The following IPO11 variants were observed in gnomAD, a reference collection of about 807,000 sequenced individuals.
The protein encoded by IPO11 is importin 11.
In IPO11, 66 loss-of-function variants were observed where a neutral mutation model predicts 143.2. The ratio of observed to expected loss-of-function variants is 0.46; its 90% CI spans 0.38 to 0.57. The LOEUF (loss-of-function observed/expected upper bound fraction) is 0.57. Ranked by LOEUF, IPO11 falls within the 20% of genes least tolerant of loss-of-function variation. The pLI, the probability that IPO11 is intolerant of heterozygous loss-of-function variation, is 0.00. For missense variants in IPO11, 1,026 were observed against 1,141.0 expected (o/e 0.90, Z 1.45); for synonymous variants, 385 against 377.8 (o/e 1.02, Z -0.22).
intron 29 of IPO11, among the ~76,000 whole-genome samples, chr5:62,615,539 T>A (rs1376201927): frequency 6.6e-6 from 1 of 152,200 alleles, no homozygotes; most frequent in Non-Finnish European, 1.5e-5. Context: ...CCCAGGGATG[T>A]GCATGTCCTA....
At chr5:62,475,229 T>C (rs1431521611) in intron 8 of IPO11, among the ~76,000 whole-genome samples, 1 of 151,996 alleles carries the variant, frequency 6.6e-6, no homozygotes, top group Admixed American at 6.6e-5. Flanking sequence ...AAAAAAAAGA[T>C]TTCCCTGAGG....
chr5:62,597,375 G>T (rs1042090497), intron 28 of IPO11, among the ~76,000 whole-genome samples: 4 of 152,184 alleles, frequency 2.6e-5, no homozygotes, highest in African/African-American at 9.7e-5. Flanking sequence ...GCAAAGAATT[G>T]TTCACAAATT....
intron 1 of IPO11, among the ~76,000 whole-genome samples, chr5:62,426,603 C>T (rs574531487): frequency 1.3e-5 from 2 of 152,038 alleles, no homozygotes; most frequent in South Asian, 4.1e-4. Context: ...ATATCTAATT[C>T]CTATGGAAAT....
chr5:62,599,254 A>T lies in IPO11; in HGVS notation c.2679-2510A>T, dbSNP rs891201107. Among the ~76,000 whole-genome samples, 4 of 152,350 alleles carry T rather than the reference A, an allele frequency of 2.6e-5. No individual in the cohort carries two copies. In the East Asian group the frequency reaches 7.7e-4, roughly 29 times the overall value. ...ACTGGAATACTTGGCCTTTGCCCCA[A>T]CTATCCCTCCTGTGCACACAGATGG... On this transcript the variant is annotated intron_variant, in intron 28 of 29. Coordinates refer to ENST00000325324, the MANE Select transcript of IPO11 (RefSeq NM_016338.5).
At chr5:62,523,374 A>AG (rs1742263881) in intron 20 of IPO11, among the ~76,000 whole-genome samples, 1 of 152,190 alleles carries the variant, frequency 6.6e-6, no homozygotes, top group African/African-American at 2.4e-5. Context: ...GAGCTTGTAT[A>AG]GGGGGAACTG....
At chr5:62,489,541 G>A (rs1746531125) in intron 14 of IPO11, among the ~76,000 whole-genome samples, 192 bp downstream of exon 14, 1 of 152,214 alleles carries the variant, frequency 6.6e-6, no homozygotes, top group African/African-American at 2.4e-5. Flanking sequence ...TAATGCTAAA[G>A]TAGGTGATGA....
chr5:62,439,738 T>C (rs1744393609), intron 2 of IPO11, among the ~76,000 whole-genome samples: 1 of 152,160 alleles, frequency 6.6e-6, no homozygotes, highest in African/African-American at 2.4e-5. Context: ...AACATTTCTT[T>C]TAGATGGAAC....
chr5:62,523,915 ACTTTT>A (rs144871416), intron 20 of IPO11, among the ~76,000 whole-genome samples: 13,963 of 152,020 alleles, frequency 0.092, 644 homozygotes, highest in South Asian at 0.15. Flanking sequence ...TTTTTTTTAA[ACTTTT>A]CTTCTGTGGA....
chr5:62,450,663 TAA>T (rs34266204), intron 4 of IPO11, among the ~76,000 whole-genome samples: 1 of 144,504 alleles, frequency 6.9e-6, no homozygotes, highest in African/African-American at 2.5e-5. Context: ...CCCCACCATT[TAA>T]AAAAAAAAAA....
At chr5:62,624,693 T>C (rs145938166) in intron 29 of IPO11, among the ~76,000 whole-genome samples, 137 of 152,124 alleles carry the variant, frequency 9.0e-4, no homozygotes, top group African/African-American at 3.1e-3. Flanking sequence ...CTATTCAAGA[T>C]GGAGTTGCAG....
intron 9 of IPO11, among the ~76,000 whole-genome samples, chr5:62,478,276 C>T (rs1746039621): frequency 1.3e-5 from 2 of 152,106 alleles, no homozygotes; most frequent in Admixed American, 1.3e-4. Context: ...AGTGATCCTT[C>T]CACCTCAGCC....
chr5:62,497,759 G>A (rs10070569), intron 16 of IPO11, among the ~76,000 whole-genome samples: 6 of 152,086 alleles, frequency 3.9e-5, no homozygotes, highest in Non-Finnish European at 7.4e-5. Flanking sequence ...TTGGCCCCTC[G>A]GCCTGGAAAG....
In IPO11 at chr5:62,550,465, A is replaced by G; in HGVS notation, c.2346+3A>G. 1.3e-6 allele frequency: 2 copies of G among 1,596,412 alleles called. No individual in the cohort carries two copies. The highest frequency in any genetic ancestry group is 1.7e-6 in the Non-Finnish European group (2 of 1,165,726). ...TCAAGGGTATTATAGAAGGGGAGGT[A>G]AGATTTTTCTTTAAGTTCCAAAGGT... On this transcript the variant is annotated splice_donor_region_variant and intron_variant, in intron 25 of 29. Coordinates refer to ENST00000325324, the MANE Select transcript of IPO11 (RefSeq NM_016338.5).
rs554435369 is a variant in IPO11 at position 62,607,557 on chromosome 5, A to C, written c.2763+5709A>C. ...TCAGTAATTTTTAATGTATGCATAA[A>C]ATACATTTTCCTTTTGCAAATAATA... On this transcript the variant is annotated intron_variant, in intron 29 of 29. Coordinates refer to ENST00000325324, the MANE Select transcript of IPO11 (RefSeq NM_016338.5). 1.8e-4 allele frequency among the ~76,000 whole-genome samples: 28 copies of C among 152,212 alleles called. No individual in the cohort carries two copies. In the South Asian group the frequency reaches 5.0e-3, roughly 27 times the overall value.
intron 20 of IPO11, among the ~76,000 whole-genome samples, chr5:62,521,050 C>G (rs1580278719): frequency 6.6e-6 from 1 of 152,204 alleles, no homozygotes; most frequent in South Asian, 2.1e-4. Context: ...TCCATTCTAA[C>G]TGGTGTGAGA....
chr5:62,436,160 A>G (rs758810193), intron 1 of IPO11, among the ~76,000 whole-genome samples: 4 of 152,152 alleles, frequency 2.6e-5, no homozygotes, highest in Non-Finnish European at 5.9e-5. Flanking sequence ...CTTTACTTAC[A>G]TAGGTTTTGA....
chr5:62,604,303 G>T (rs1243620664), intron 29 of IPO11, among the ~76,000 whole-genome samples: 2 of 152,140 alleles, frequency 1.3e-5, no homozygotes, highest in Non-Finnish European at 2.9e-5. Flanking sequence ...CCGCCTCCCA[G>T]GTTCAAGCAG....
intron 5 of IPO11, among the ~76,000 whole-genome samples, chr5:62,458,782 G>C (rs974662946): frequency 1.3e-5 from 2 of 152,112 alleles, no homozygotes; most frequent in Non-Finnish European, 2.9e-5. Flanking sequence ...TGACAGACTT[G>C]GTTCAAAAGA....
chr5:62,437,396 A>AG lies in IPO11; in HGVS notation c.119dup (p.Tyr42LeufsTer26). 1 of 1,610,460 alleles carries AG rather than the reference A, an allele frequency of 6.2e-7. No individual in the cohort carries two copies. Among genetic ancestry groups the AG allele is most frequent in the Non-Finnish European group, 8.5e-7 (1 of 1,178,232 alleles). Reference sequence around the variant, plus strand: ...AGTTGAAGCAGTGGGAGACACAGCCAGGTTTCTATTCAGTGTTGCTGGTAA... The same window carrying AG: ...AGTTGAAGCAGTGGGAGACACAGCCAGGGTTTCTATTCAGTGTTGCTGGTAA... On this transcript the variant is annotated frameshift_variant, in exon 2 of 30. Coordinates refer to ENST00000325324, the MANE Select transcript of IPO11 (RefSeq NM_016338.5). LOFTEE classifies it high-confidence loss of function.
Sources: allele counts gnomAD v4.1 joint callset (sites outside exome capture counted in the v4.1 genomes callset), GRCh38; gene constraint gnomAD v4.1.1; transcripts MANE v1.5; gene names NCBI Gene and HGNC (gene_info 2026-07-23, HGNC 2026-07-21).